MINDY2: variants seen among roughly 807,000 people sequenced by gnomAD.
The protein encoded by MINDY2 is MINDY lysine 48 deubiquitinase 2, also known as ubiquitin carboxyl-terminal hydrolase MINDY-2.
MINDY2 carries 52 observed loss-of-function variants against 68.2 expected under a neutral mutation model. The ratio of observed to expected loss-of-function variants is 0.76; its 90% CI spans 0.61 to 0.96. The LOEUF (loss-of-function observed/expected upper bound fraction) is 0.96. Among genes scored for constraint, MINDY2 ranks in the 40% least tolerant of loss-of-function variants. The probability of loss-of-function intolerance (pLI) is 0.00; values close to 1 mark genes in which losing one functional copy is unlikely to be tolerated. For synonymous variants in MINDY2, 372 were observed against 303.0 expected, an observed-to-expected ratio of 1.23 and a Z score of -2.36; for missense variants, 881 against 773.4, an observed-to-expected ratio of 1.14 and a Z score of -1.65.
intron 3 of MINDY2, among the ~76,000 whole-genome samples, chr15:58,802,617 C>T (rs1595727899): frequency 6.6e-6 from 1 of 151,522 alleles, no homozygotes. Flanking sequence ...TCATTTTTTT[C>T]TCAGTATTTT....
intron 3 of MINDY2, among the ~76,000 whole-genome samples, chr15:58,809,887 C>T (rs1181913871): frequency 6.6e-6 from 1 of 152,190 alleles, no homozygotes; most frequent in Non-Finnish European, 1.5e-5. Context: ...TCAAGTGATC[C>T]TCCCACCTCA....
rs1480484435 is a variant in MINDY2 at position 58,821,330 on chromosome 15, A to T, written c.1123-387A>T. On this transcript the variant is annotated intron_variant, in intron 4 of 8. Coordinates refer to ENST00000559228, the MANE Select transcript of MINDY2 (RefSeq NM_001040450.3). ...AATGTGCAACATTTGTTTTTTAGTT[A>T]AAAAAAAAAAAAACTTGATACTTTA... is the stretch of plus-strand genomic sequence containing the variant. Among the ~76,000 whole-genome samples the T allele has an allele frequency of 1.5e-4, 21 of 139,568 alleles. No individual in the cohort carries two copies. The East Asian group carries it at 3.6e-3, about 24-fold the overall frequency. 91.6% of individuals were successfully genotyped at this position (139,568 alleles called of 152,430 possible). A position where few individuals can be genotyped will look rare whatever the true frequency, so the allele number is the denominator to read the frequency against.
chr15:58,805,628 CCTT>C (rs1244728742), intron 3 of MINDY2, among the ~76,000 whole-genome samples: 1 of 152,086 alleles, frequency 6.6e-6, no homozygotes, highest in Non-Finnish European at 1.5e-5. Flanking sequence ...ACTAGTACTC[CCTT>C]CTTGTGAGGT....
intron 2 of MINDY2, among the ~76,000 whole-genome samples, chr15:58,790,617 T>G (rs1407426989): frequency 6.6e-6 from 1 of 152,198 alleles, no homozygotes; most frequent in Middle Eastern, 3.4e-3. Context: ...GAAAACTATT[T>G]AGGAAGTTAT....
chr15:58,849,458 TGA>T (rs1405192574), intron 7 of MINDY2, among the ~76,000 whole-genome samples: 4 of 152,190 alleles, frequency 2.6e-5, no homozygotes, highest in African/African-American at 7.2e-5. Context: ...TGAGCCAAGA[TGA>T]CGCCACTGCA....
intron 6 of MINDY2, among the ~76,000 whole-genome samples, chr15:58,837,539 C>CAA (rs59471550): frequency 0.048 from 5,861 of 121,510 alleles, 296 homozygotes; most frequent in African/African-American, 0.13. Context: ...ATGATGGCAC[C>CAA]AAAAAAAAAA....
rs1195040912 is a variant in MINDY2 at position 58,850,042 on chromosome 15, CA to C, written c.1543-1724del. On this transcript the variant is annotated intron_variant, in intron 7 of 8. Transcript: ENST00000559228. ...GTGAGCCACTGCACCTGACCACAGG[CA>C]AAAACCATTTACCCATCCTCTGTAT... 2.0e-5 allele frequency among the ~76,000 whole-genome samples: 3 copies of C among 152,146 alleles called. No homozygotes were observed. In the East Asian group the frequency reaches 5.8e-4, roughly 29 times the overall value.
intron 4 of MINDY2, among the ~76,000 whole-genome samples, chr15:58,821,126 TTAAA>T (rs1442270972): frequency 1.3e-5 from 2 of 151,756 alleles, no homozygotes. Flanking sequence ...AAAACAAAGA[TTAAA>T]TAAGAATCAT....
intron 6 of MINDY2, among the ~76,000 whole-genome samples, chr15:58,839,530 C>T (rs1410239088): frequency 6.6e-6 from 1 of 152,080 alleles, no homozygotes; most frequent in Non-Finnish European, 1.5e-5. Context: ...TGTGGTTTCA[C>T]CATGTTGGCC....
Position 58,821,698 on chromosome 15 carries a change from A to G in MINDY2, c.1123-19A>G. ...TCCTAATCTTACCATGATTAGTGAGACAGTCATTTGTTTTCTAGATTGATG... is the reference window on the plus strand; with the variant it reads ...TCCTAATCTTACCATGATTAGTGAGGCAGTCATTTGTTTTCTAGATTGATG... On this transcript the variant is annotated intron_variant, in intron 4 of 8. Coordinates refer to ENST00000559228, the MANE Select transcript of MINDY2 (RefSeq NM_001040450.3). 6.8e-7 allele frequency: 1 copy of G among 1,469,572 alleles called. No individual in the cohort carries two copies. Among genetic ancestry groups the G allele is most frequent in the Admixed American group, 2.3e-5 (1 of 43,290 alleles). 91.0% of individuals were successfully genotyped at this position (1,469,572 alleles called of 1,614,324 possible). A position where few individuals can be genotyped will look rare whatever the true frequency, so the allele number is the denominator to read the frequency against.
Position 58,807,632 on chromosome 15 carries a change from G to A in MINDY2, c.964-2598G>A, listed in dbSNP as rs1366089338. ...CCCGCCTCGGCCTCCCAAAGTGCTG[G>A]GATTACAGGCGTGAGCCATTGCGCC... On this transcript the variant is annotated intron_variant, in intron 3 of 8. Transcript: ENST00000559228. Among the ~76,000 whole-genome samples, 4 of 152,008 alleles carry A rather than the reference G, an allele frequency of 2.6e-5. No homozygotes were observed. The East Asian group carries it at 5.8e-4, about 22-fold the overall frequency.
chr15:58,831,656 G>C, intron 5 of MINDY2, 118 bp from the exon 6 acceptor site: 1 of 833,196 alleles, frequency 1.2e-6, no homozygotes, highest in Non-Finnish European at 1.8e-6. Context: ...AAAGTAGTAG[G>C]GAAAGTATTA....
At chr15:58,800,062 A>G (rs774111482) in intron 2 of MINDY2, among the ~76,000 whole-genome samples, 4 of 152,228 alleles carry the variant, frequency 2.6e-5, no homozygotes, top group African/African-American at 4.8e-5. Context: ...AGCGAGGTCA[A>G]TGTTGAAGCA....
chr15:58,810,626 G>C (rs1016759899), intron 4 of MINDY2, among the ~76,000 whole-genome samples: 1 of 152,130 alleles, frequency 6.6e-6, no homozygotes, highest in Non-Finnish European at 1.5e-5. Flanking sequence ...GCTCATAGAA[G>C]ACCACCCGTA....
intron 3 of MINDY2, among the ~76,000 whole-genome samples, chr15:58,804,609 C>A (rs1397880355): frequency 6.6e-6 from 1 of 151,996 alleles, no homozygotes; most frequent in Non-Finnish European, 1.5e-5. Context: ...GTAGTGAGAC[C>A]AGCCTGGGCA....
intron 1 of MINDY2, among the ~76,000 whole-genome samples, chr15:58,776,225 C>T (rs1900762283): frequency 6.6e-6 from 1 of 152,076 alleles, no homozygotes; most frequent in Non-Finnish European, 1.5e-5. Context: ...GAGTAGTGAG[C>T]AATAGTTCTC....
At chr15:58,850,065 G>A (rs1327725346) in intron 7 of MINDY2, among the ~76,000 whole-genome samples, 1 of 152,126 alleles carries the variant, frequency 6.6e-6, no homozygotes, top group Non-Finnish European at 1.5e-5. Context: ...CCCATCCTCT[G>A]TATTATTTAA....
chr15:58,833,058 TTTTATCTC>T (rs1369281528), intron 6 of MINDY2, among the ~76,000 whole-genome samples: 28 of 152,348 alleles, frequency 1.8e-4, no homozygotes, highest in African/African-American at 6.7e-4. Context: ...GTTTTACTCT[TTTTATCTC>T]TTATAGCCAT....
chr15:58,793,569 G>C (rs1902079065), intron 2 of MINDY2, among the ~76,000 whole-genome samples: 1 of 152,158 alleles, frequency 6.6e-6, no homozygotes, highest in Non-Finnish European at 1.5e-5. Context: ...TGAGTAGCTT[G>C]TATCGTATGT....
Sources: gnomAD v4.1 joint callset for allele counts (sites outside exome capture counted in the v4.1 genomes callset) on GRCh38, gnomAD v4.1.1 for gene constraint, MANE v1.5 for transcripts, NCBI Gene and HGNC (gene_info 2026-07-23, HGNC 2026-07-21) for gene names.